Variants in PKIB observed in about 807,000 individuals in gnomAD.
The protein encoded by PKIB is PKI-beta.
Under a neutral mutation model 4.5 loss-of-function variants are expected in PKIB, and 2 were observed. The observed-to-expected ratio is 0.44, with a 90% CI of 0.18 to 1.39. The LOEUF (loss-of-function observed/expected upper bound fraction) is 1.39, where lower values mean the gene tolerates loss of function less well. PKIB is among the 40% of genes most tolerant of loss of function. PKIB has a pLI of 0.27. For missense variants in PKIB, 94 were observed against 92.6 expected (o/e 1.02, Z -0.06); for synonymous variants, 38 against 36.0 (o/e 1.06, Z -0.20).
intron 2 of PKIB, among the ~76,000 whole-genome samples, chr6:122,651,578 G>C (rs1472198487): frequency 1.3e-5 from 2 of 152,124 alleles, no homozygotes; most frequent in East Asian, 3.9e-4. Context: ...AAGTTTGAGT[G>C]GGATTTCCCA....
intron 3 of PKIB, among the ~76,000 whole-genome samples, chr6:122,679,138 G>T (rs1441583522): frequency 6.6e-6 from 1 of 152,194 alleles, no homozygotes; most frequent in Non-Finnish European, 1.5e-5. Flanking sequence ...CTTCAGTTTT[G>T]AGTAGTTGTT....
chr6:122,611,036 C>T (rs1286291207), intron 1 of PKIB, among the ~76,000 whole-genome samples: 1 of 152,244 alleles, frequency 6.6e-6, no homozygotes, highest in African/African-American at 2.4e-5. Flanking sequence ...TCACTGGCCT[C>T]CGTCCATTCT....
In PKIB at chr6:122,693,079, G is replaced by C. The variant is rs80136414; in HGVS notation, c.-9+17935G>C. ...ACAAGACAAGAACCAATGCATATCT[G>C]CATTGTTTTTTAAGATTTCCACAAC... On this transcript the variant is annotated intron_variant, in intron 3 of 4. Coordinates refer to ENST00000368452, the MANE Select transcript of PKIB (RefSeq NM_181795.3). 5.6e-3 allele frequency among the ~76,000 whole-genome samples: 859 copies of C among 152,332 alleles called. 4 individuals are homozygous for C. Among genetic ancestry groups the C allele is most frequent in the Non-Finnish European group, 0.01 (686 of 68,030 alleles).
chr6:122,637,930 G>T (rs956320204), intron 2 of PKIB, among the ~76,000 whole-genome samples: 2 of 152,028 alleles, frequency 1.3e-5, no homozygotes, highest in African/African-American at 4.8e-5. Context: ...ATTCTTATAC[G>T]TGCCAAGGCA....
intron 2 of PKIB, among the ~76,000 whole-genome samples, chr6:122,577,405 A>G (rs1489491082): frequency 6.6e-6 from 1 of 152,208 alleles, no homozygotes; most frequent in Non-Finnish European, 1.5e-5. Context: ...AGAAGTTTAT[A>G]GTAATTCATT....
At chr6:122,632,399 G>T (rs917804187) in intron 1 of PKIB, among the ~76,000 whole-genome samples, 7 of 152,120 alleles carry the variant, frequency 4.6e-5, no homozygotes, top group African/African-American at 1.4e-4. Context: ...TAACATCTAA[G>T]CATTTACTAT....
chr6:122,694,424 ATC>A (rs1452627447), intron 3 of PKIB, among the ~76,000 whole-genome samples: 3 of 152,190 alleles, frequency 2.0e-5, no homozygotes, highest in Non-Finnish European at 4.4e-5. Flanking sequence ...AACTTGCTTT[ATC>A]TCTCTTGTAT....
intron 2 of PKIB, among the ~76,000 whole-genome samples, chr6:122,509,582 C>A (rs1458799964): frequency 6.6e-6 from 1 of 151,966 alleles, no homozygotes; most frequent in Non-Finnish European, 1.5e-5. Flanking sequence ...AGATGCCCAC[C>A]ACCACACCCA....
chr6:122,683,983 G>A (rs969082518), intron 3 of PKIB, among the ~76,000 whole-genome samples: 1 of 152,192 alleles, frequency 6.6e-6, no homozygotes, highest in African/African-American at 2.4e-5. Flanking sequence ...ACCAATAGGT[G>A]ATTGGAAAAA....
At chr6:122,660,344 A>G (rs958032095) in intron 2 of PKIB, among the ~76,000 whole-genome samples, 7 of 152,180 alleles carry the variant, frequency 4.6e-5, no homozygotes, top group African/African-American at 1.7e-4. Flanking sequence ...CATCTCAGCA[A>G]CTCAGAGACC....
intron 2 of PKIB, among the ~76,000 whole-genome samples, chr6:122,663,310 C>G (rs745780333): frequency 6.6e-6 from 1 of 151,998 alleles, no homozygotes; most frequent in Non-Finnish European, 1.5e-5. Flanking sequence ...AAGATGAATC[C>G]GAGAAAATGT....
At chr6:122,691,606 A>AT (rs77634279) in intron 3 of PKIB, among the ~76,000 whole-genome samples, 65 of 150,102 alleles carry the variant, frequency 4.3e-4, no homozygotes, top group South Asian at 1.5e-3. Context: ...TGTTATCTTG[A>AT]TTTTTTTTTT....
chr6:122,667,945 G>A (rs909960216), intron 2 of PKIB, among the ~76,000 whole-genome samples: 11 of 152,074 alleles, frequency 7.2e-5, no homozygotes, highest in Non-Finnish European at 1.2e-4. Flanking sequence ...TTTGTGTGTC[G>A]AATGCTGTGT....
chr6:122,671,647 GCTGA>G (rs1777467430), intron 2 of PKIB, among the ~76,000 whole-genome samples: 1 of 152,166 alleles, frequency 6.6e-6, no homozygotes, highest in Admixed American at 6.5e-5. Flanking sequence ...GATACATGAG[GCTGA>G]CTTATACAAG....
At chr6:122,708,047 A>G (rs1355398098) in intron 3 of PKIB, among the ~76,000 whole-genome samples, 1 of 152,326 alleles carries the variant, frequency 6.6e-6, no homozygotes, top group South Asian at 2.1e-4. Flanking sequence ...TTTTGGTCCT[A>G]TGAATACATC....
intron 3 of PKIB, chr6:122,701,437 C>T: frequency 6.4e-7 from 1 of 1,572,898 alleles, no homozygotes; most frequent in Non-Finnish European, 8.6e-7. Flanking sequence ...ATTGCATTTA[C>T]AGGCTGAAGC....
intron 2 of PKIB, among the ~76,000 whole-genome samples, chr6:122,507,105 A>G (rs1055631216): frequency 1.3e-5 from 2 of 152,086 alleles, no homozygotes; most frequent in Non-Finnish European, 2.9e-5. Context: ...AAACTTTGTG[A>G]ATGATCTGGG....
At chr6:122,673,704 A>G (rs1344175326) in intron 2 of PKIB, among the ~76,000 whole-genome samples, 2 of 152,198 alleles carry the variant, frequency 1.3e-5, no homozygotes, top group East Asian at 1.9e-4. Flanking sequence ...TTGACATTCA[A>G]CAGGTATTTA....
chr6:122,475,256 G>A (rs1330865966), intron 1 of PKIB, among the ~76,000 whole-genome samples: 1 of 152,102 alleles, frequency 6.6e-6, no homozygotes, highest in African/African-American at 2.4e-5. Context: ...TTGAATTTTT[G>A]AGAGAATACT....
Sources: allele counts gnomAD v4.1 joint callset (sites outside exome capture counted in the v4.1 genomes callset), GRCh38; gene constraint gnomAD v4.1.1; transcripts MANE v1.5; gene names NCBI Gene and HGNC (gene_info 2026-07-23, HGNC 2026-07-21).